DENND1A: variants seen among roughly 807,000 people sequenced by gnomAD.
The protein encoded by DENND1A is DENN domain containing 1A.
A neutral mutation model predicts 113.7 loss-of-function variants in DENND1A; 51 were observed. The ratio of observed to expected loss-of-function variants is 0.45; its 90% CI spans 0.36 to 0.57. The LOEUF is 0.57. Among genes scored for constraint, DENND1A ranks in the 20% least tolerant of loss-of-function variants. DENND1A has a pLI of 0.00. For synonymous variants in DENND1A, 565 were observed against 570.8 expected (o/e 0.99, Z 0.14); for missense variants, 1,258 against 1,395.9 (o/e 0.90, Z 1.57).
At chr9:123,454,663 G>A in intron 16 of DENND1A, 76 bp downstream of exon 16, 1 of 1,421,406 alleles carries the variant, frequency 7.0e-7, no homozygotes, top group Non-Finnish European at 9.7e-7. Flanking sequence ...GATGGAAGGG[G>A]AAGCACAGGG....
chr9:123,410,694 G>A (rs1424163652), intron 20 of DENND1A, among the ~76,000 whole-genome samples: 3 of 152,176 alleles, frequency 2.0e-5, no homozygotes, highest in African/African-American at 7.2e-5. Context: ...CAGTTCACCT[G>A]GTCACCTGCA....
At chr9:123,600,817 C>T (rs2059907245) in intron 11 of DENND1A, among the ~76,000 whole-genome samples, 2 of 148,564 alleles carry the variant, frequency 1.3e-5, no homozygotes, top group South Asian at 4.3e-4. Flanking sequence ...GGCAACAAAG[C>T]AAGACTCCAT....
chr9:123,829,298 TA>T (rs1463200722), intron 2 of DENND1A, among the ~76,000 whole-genome samples: 4 of 151,992 alleles, frequency 2.6e-5, no homozygotes, highest in Non-Finnish European at 4.4e-5. Context: ...TCAAATTAGT[TA>T]AAATACTTTA....
intron 2 of DENND1A, among the ~76,000 whole-genome samples, chr9:123,873,829 G>A (rs1461226346): frequency 6.6e-6 from 1 of 151,336 alleles, no homozygotes; most frequent in Admixed American, 6.6e-5. Flanking sequence ...TGCAAGCTCC[G>A]CCTCCCAGGT....
intron 19 of DENND1A, chr9:123,413,384 C>T (rs746717760): frequency 4.3e-5 from 42 of 978,926 alleles, no homozygotes; most frequent in East Asian, 1.1e-4. Flanking sequence ...ATGTGACTCC[C>T]GTATGAAGCT....
chr9:123,757,832 AG>A lies in DENND1A; in HGVS notation c.183-11del. 6.2e-7 allele frequency: 1 copy of A among 1,613,142 alleles called. No individual in the cohort carries two copies. The highest frequency in any genetic ancestry group is 8.5e-7 in the Non-Finnish European group (1 of 1,179,564). ...TTGGCTAACTGTGAGGCTGCAGCAAAGGCAGAACAAAGGGGAAAATGAATGT... is the reference window on the plus strand; with the variant it reads ...TTGGCTAACTGTGAGGCTGCAGCAAAGCAGAACAAAGGGGAAAATGAATGT... On this transcript the variant is annotated splice_polypyrimidine_tract_variant and intron_variant, in intron 4 of 23. Coordinates refer to ENST00000394215, the MANE Select transcript of DENND1A (RefSeq NM_001352964.2).
At chr9:123,544,694 G>C (rs777855634) in intron 13 of DENND1A, among the ~76,000 whole-genome samples, 8 of 152,220 alleles carry the variant, frequency 5.3e-5, no homozygotes, top group Non-Finnish European at 1.2e-4. Flanking sequence ...TATATATAAA[G>C]AGCCTAGCAT....
chr9:123,734,444 T>A (rs2068410298), intron 5 of DENND1A, among the ~76,000 whole-genome samples: 2 of 152,168 alleles, frequency 1.3e-5, no homozygotes, highest in Non-Finnish European at 2.9e-5. Flanking sequence ...AGTGCATGTC[T>A]CGGGGATCAC....
chr9:123,584,614 T>C (rs1301776239), intron 11 of DENND1A, among the ~76,000 whole-genome samples: 1 of 152,222 alleles, frequency 6.6e-6, no homozygotes, highest in Non-Finnish European at 1.5e-5. Context: ...TTTACTCACC[T>C]TATTTCATTT....
At chr9:123,886,614 T>C (rs562743290) in intron 1 of DENND1A, among the ~76,000 whole-genome samples, 192 of 152,336 alleles carry the variant, frequency 1.3e-3, no homozygotes, top group Non-Finnish European at 1.9e-3. Flanking sequence ...CTAATAAACA[T>C]TGAGTCCTTT....
intron 16 of DENND1A, 123 bp downstream of exon 16, chr9:123,454,616 C>T: frequency 2.0e-6 from 2 of 1,001,302 alleles, no homozygotes; most frequent in Admixed American, 2.1e-5. Context: ...GCTTTACAAA[C>T]AAAGGCATCT....
intron 8 of DENND1A, among the ~76,000 whole-genome samples, chr9:123,660,564 A>G (rs1473630884): frequency 7.5e-6 from 1 of 132,630 alleles, no homozygotes; most frequent in Non-Finnish European, 1.6e-5. Context: ...TTCTTAAAAG[A>G]AAAAAAAAAT....
intron 10 of DENND1A, among the ~76,000 whole-genome samples, chr9:123,627,933 A>C (rs1366805079): frequency 6.6e-6 from 1 of 152,088 alleles, no homozygotes; most frequent in African/African-American, 2.4e-5. Flanking sequence ...GCATTAGCAC[A>C]TACGTTATTT....
At chr9:123,821,460 G>A (rs1359206500) in intron 2 of DENND1A, among the ~76,000 whole-genome samples, 2 of 152,180 alleles carry the variant, frequency 1.3e-5, no homozygotes, top group African/African-American at 2.4e-5. Flanking sequence ...GTCTGTCATG[G>A]CTAACAGAAA....
chr9:123,715,922 C>G (rs1488416145), intron 5 of DENND1A, among the ~76,000 whole-genome samples: 1 of 152,082 alleles, frequency 6.6e-6, no homozygotes, highest in African/African-American at 2.4e-5. Context: ...GCGATCCCCC[C>G]ACCTCAGCCT....
At chr9:123,531,554 TACAC>T (rs57819030) in intron 13 of DENND1A, among the ~76,000 whole-genome samples, 4,351 of 103,036 alleles carry the variant, frequency 0.042, 175 homozygotes, top group African/African-American at 0.12. Context: ...CCTCTCTCTC[TACAC>T]ACACACACAC....
intron 13 of DENND1A, among the ~76,000 whole-genome samples, chr9:123,464,487 T>C (rs757330072): frequency 3.3e-5 from 5 of 152,094 alleles, no homozygotes; most frequent in African/African-American, 9.7e-5. Flanking sequence ...CAGTCGCAAA[T>C]AGATCAACGC....
intron 5 of DENND1A, among the ~76,000 whole-genome samples, chr9:123,735,818 G>A (rs948163624): frequency 6.6e-6 from 1 of 152,144 alleles, no homozygotes; most frequent in African/African-American, 2.4e-5. Flanking sequence ...GGCCAACATG[G>A]TGAAACCCTG....
At chr9:123,468,494 TG>T (rs2049134321) in intron 13 of DENND1A, among the ~76,000 whole-genome samples, 1 of 152,194 alleles carries the variant, frequency 6.6e-6, no homozygotes, top group African/African-American at 2.4e-5. Flanking sequence ...TAAAGCAAGC[TG>T]GGGAATTTGG....
Sources: allele counts gnomAD v4.1 joint callset (sites outside exome capture counted in the v4.1 genomes callset), GRCh38; gene constraint gnomAD v4.1.1; transcripts MANE v1.5; gene names NCBI Gene and HGNC (gene_info 2026-07-23, HGNC 2026-07-21).